Variants in RPS6KA6 observed in about 807,000 individuals in gnomAD.
RPS6KA6 encodes ribosomal protein S6 kinase A6, also known as ribosomal protein S6 kinase alpha-6.
Under a neutral mutation model 65.4 loss-of-function variants are expected in RPS6KA6, and 27 were observed. The ratio of observed to expected loss-of-function variants is 0.41; its 90% CI spans 0.30 to 0.57. The LOEUF is 0.57. Among genes scored for constraint, RPS6KA6 ranks in the 20% least tolerant of loss-of-function variants. RPS6KA6 has a pLI of 0.24. For synonymous variants in RPS6KA6, 190 were observed against 184.2 expected (o/e 1.03, Z -0.26); for missense variants, 486 against 555.6 (o/e 0.87, Z 1.26).
At chrX:84,135,846 C>A in intron 6 of RPS6KA6, among the ~76,000 whole-genome samples, 1 of 111,062 alleles carries the variant, frequency 9.0e-6, no homozygotes, top group Non-Finnish European at 1.9e-5. Flanking sequence ...CTGTATTAAT[C>A]ATTTTGTGTC....
intron 12 of RPS6KA6, among the ~76,000 whole-genome samples, chrX:84,115,571 C>A (rs1354853668): frequency 9.0e-6 from 1 of 110,776 alleles, no homozygotes; most frequent in Non-Finnish European, 1.9e-5. Context: ...AACTAATAAT[C>A]AAAAAAATTT....
chrX:84,185,454 A>G (rs1286843154), intron 1 of RPS6KA6, among the ~76,000 whole-genome samples: 4 of 112,037 alleles, frequency 3.6e-5, no homozygotes, highest in Non-Finnish European at 7.5e-5. Flanking sequence ...ATCTAAAAAT[A>G]TAAGTACCCT....
chrX:84,166,083 T>C (rs2035593058), intron 1 of RPS6KA6, among the ~76,000 whole-genome samples: 1 of 112,090 alleles, frequency 8.9e-6, no homozygotes, highest in African/African-American at 3.2e-5. Flanking sequence ...ACAATACCAA[T>C]AATTGCTCGT....
At chrX:84,123,645 G>A (rs902854705) in intron 8 of RPS6KA6, among the ~76,000 whole-genome samples, 1 of 112,125 alleles carries the variant, frequency 8.9e-6, no homozygotes, top group African/African-American at 3.2e-5. Context: ...TCTGGATTAT[G>A]GTCTGAGTGC....
intron 12 of RPS6KA6, 88 bp downstream of exon 12, chrX:84,116,141 T>C (rs1356660760): frequency 7.5e-6 from 4 of 535,120 alleles, no homozygotes; most frequent in Non-Finnish European, 1.2e-5. Context: ...TTCCACTGAT[T>C]TGTTATTTAG....
chrX:84,107,758 T>C (rs746002822), intron 12 of RPS6KA6, 33 bp from the exon 13 acceptor site: 67 of 756,122 alleles, frequency 8.9e-5, no homozygotes, highest in Non-Finnish European at 1.3e-4. Context: ...ACAAAACGTA[T>C]TAAGACTTTA....
At chrX:84,073,315 G>A (rs1268097886) in intron 20 of RPS6KA6, among the ~76,000 whole-genome samples, 11 of 111,553 alleles carry the variant, frequency 9.9e-5, no homozygotes, top group Non-Finnish European at 2.1e-4. Flanking sequence ...AATAAAACTG[G>A]ACATCTATAT....
intron 3 of RPS6KA6, among the ~76,000 whole-genome samples, chrX:84,154,705 A>G (rs1053671483): frequency 2.7e-5 from 3 of 110,435 alleles, no homozygotes; most frequent in Non-Finnish European, 5.7e-5. Flanking sequence ...AGTTCCTTCT[A>G]GTTTTTCTCT....
Position 84,104,537 on chromosome X carries a change from C to T in RPS6KA6, c.1576G>A (p.Val526Ile), listed in dbSNP as rs746956132. The T allele has an allele frequency of 8.5e-7, 1 of 1,175,217 alleles. No individual in the cohort carries two copies. The highest frequency in any genetic ancestry group is 2.0e-5 in the South Asian group (1 of 50,287). ...SEREASDILY[V>I]ISKTVDYLHC... ...AGATAGTCAACTGTCTTACTTATTA[C>T]ATATAGTATATCACTAGCCTCCCGT... The change falls in exon 17 of 22, where the codon GTA (valine) becomes ATA (isoleucine). Residue 526 changes from valine to isoleucine, a missense_variant. By Grantham distance (29) the Val-to-Ile change is conservative. Transcript: ENST00000262752.
chrX:84,135,463 ATGT>A (rs1324045329), intron 6 of RPS6KA6, among the ~76,000 whole-genome samples: 2 of 111,571 alleles, frequency 1.8e-5, no homozygotes, highest in African/African-American at 6.5e-5. Flanking sequence ...CTGAAATATT[ATGT>A]TGTTTGTATA....
intron 1 of RPS6KA6, among the ~76,000 whole-genome samples, chrX:84,181,086 G>A (rs1602493751): frequency 2.7e-5 from 3 of 111,359 alleles, no homozygotes; most frequent in Admixed American, 9.6e-5. Flanking sequence ...GGATTCCAAC[G>A]TTTTTTCAGG....
chrX:84,091,471 T>C (rs2034042806), intron 20 of RPS6KA6, among the ~76,000 whole-genome samples: 1 of 112,423 alleles, frequency 8.9e-6, no homozygotes, highest in Non-Finnish European at 1.9e-5. Context: ...AGGCAGAATG[T>C]AGTACATGCT....
chrX:84,078,254 A>G (rs371392588), intron 20 of RPS6KA6, among the ~76,000 whole-genome samples: 1 of 112,322 alleles, frequency 8.9e-6, no homozygotes, highest in East Asian at 2.8e-4. Context: ...ACTTTCAAAT[A>G]GTATCACACA....
intron 20 of RPS6KA6, among the ~76,000 whole-genome samples, chrX:84,092,724 C>G (rs112085142): frequency 0.044 from 4,843 of 111,074 alleles, 256 homozygotes; most frequent in African/African-American, 0.15. Flanking sequence ...AAATGGGAAC[C>G]CTTACACACT....
chrX:84,164,469 T>C (rs1426432527), intron 1 of RPS6KA6, 82 bp from the exon 2 acceptor site: 20 of 636,193 alleles, frequency 3.1e-5, no homozygotes, highest in Admixed American at 5.9e-5. Flanking sequence ...CCTAGGCATT[T>C]CCTTCCACAA....
chrX:84,150,858 T>TAGAGGATATATATAGGATATATATATAG (rs2035291221), intron 3 of RPS6KA6, among the ~76,000 whole-genome samples: 8 of 92,060 alleles, frequency 8.7e-5, no homozygotes, highest in African/African-American at 2.7e-4. Context: ...TATATATATA[T>TAGAGGATATATATAGGATATATATATAG]AGAGGATATA....
intron 7 of RPS6KA6, 44 bp downstream of exon 7, chrX:84,135,060 T>C: frequency 2.1e-6 from 2 of 959,306 alleles, no homozygotes; most frequent in Non-Finnish European, 3.0e-6. Context: ...AAAAAGCAGT[T>C]CCAGAAATAC....
chrX:84,165,768 GGTAATCCCT>G (rs759146355), intron 1 of RPS6KA6, among the ~76,000 whole-genome samples: 24 of 111,090 alleles, frequency 2.2e-4, no homozygotes, highest in Non-Finnish European at 4.5e-4. Flanking sequence ...AAAATGTGAA[GGTAATCCCT>G]GTTATTTTTT....
intron 8 of RPS6KA6, among the ~76,000 whole-genome samples, chrX:84,132,442 T>C (rs1405713469): frequency 9.0e-6 from 1 of 110,505 alleles, no homozygotes; most frequent in Non-Finnish European, 1.9e-5. Flanking sequence ...AGAGTAAGAC[T>C]CTGTCTCTTA....
Sources: allele counts gnomAD v4.1 joint callset (sites outside exome capture counted in the v4.1 genomes callset), GRCh38; gene constraint gnomAD v4.1.1; transcripts MANE v1.5; gene names NCBI Gene and HGNC (gene_info 2026-07-23, HGNC 2026-07-21).